LRRCC1: variants seen among roughly 807,000 people sequenced by gnomAD.
LRRCC1 encodes the protein leucine-rich repeat and coiled-coil domain-containing protein 1.
LRRCC1 carries 115 observed loss-of-function variants against 126.0 expected under a neutral mutation model. That is an observed-to-expected ratio of 0.91 (90% CI 0.78 to 1.07). The LOEUF (loss-of-function observed/expected upper bound fraction) is 1.07, where lower values mean the gene tolerates loss of function less well. LRRCC1 is among the 50% of genes least tolerant of loss of function. The pLI is 0.00. For synonymous variants in LRRCC1, 400 were observed against 393.4 expected (o/e 1.02, Z -0.20); for missense variants, 1,172 against 1,175.7 (o/e 1.00, Z 0.05).
At chr8:85,131,407 G>T (rs2135975690) in intron 11 of LRRCC1, among the ~76,000 whole-genome samples, 1 of 152,304 alleles carries the variant, frequency 6.6e-6, no homozygotes, top group East Asian at 1.9e-4. Context: ...AACCACCAGT[G>T]CTAATCAGAC....
At position 85,132,375 on chromosome 8, in the gene LRRCC1, C is replaced by CTTTTTTT. The variant is rs551423793; in HGVS notation, c.1968+436_1968+442dup. On this transcript the variant is annotated intron_variant, in intron 12 of 18. Transcript: ENST00000360375. ...TTACAAAAGCACAGTTGAGTACTTT[C>CTTTTTTT]TTTTTTTTTTTTTTTTTTTTTTTTT... Among the ~76,000 whole-genome samples, 266 of 109,912 alleles carry CTTTTTTT rather than the reference C, an allele frequency of 2.4e-3. 2 individuals are homozygous for CTTTTTTT. Among genetic ancestry groups the CTTTTTTT allele is most frequent in the Middle Eastern group, 5.6e-3 (1 of 178 alleles). 72.1% of individuals were successfully genotyped at this position (109,912 alleles called of 152,430 possible). A position where few individuals can be genotyped will look rare whatever the true frequency, so the allele number is the denominator to read the frequency against.
chr8:85,134,985 C>G lies in LRRCC1; in HGVS notation c.2107C>G (p.Leu703Val), dbSNP rs1211968786. The change falls in exon 13 of 19, where the codon CTG (leucine) becomes GTG (valine). Residue 703 changes from leucine (L) to valine (V), a missense_variant. Transcript: ENST00000360375. ...TATGGTAAAGGAACAAAAAACAAAA[C>G]TGGCAGAAGTTTCTAAATTGAAACA... The part of the protein sequence containing the change: ...TCMVKEQKTK[L>V]AEVSKLKQET... 1 of 1,551,596 alleles carries G rather than the reference C, an allele frequency of 6.4e-7. No individual in the cohort carries two copies. Among genetic ancestry groups the G allele is most frequent in the African/African-American group, 1.4e-5 (1 of 70,980 alleles).
Position 85,109,575 on chromosome 8 carries a change from G to A in LRRCC1, c.105-20G>A, listed in dbSNP as rs765163978. The A allele has an allele frequency of 7.3e-7, 1 of 1,370,976 alleles. No individual in the cohort carries two copies. The highest frequency in any genetic ancestry group is 1.5e-5 in the African/African-American group (1 of 68,650). The allele number at this position is 1,370,976 out of a possible 1,614,324, so 84.9% of individuals were successfully genotyped here. On this transcript the variant is annotated intron_variant, in intron 1 of 18. Coordinates refer to ENST00000360375, the MANE Select transcript of LRRCC1 (RefSeq NM_033402.5). The stretch of plus-strand genomic sequence containing the variant: ...CATGCTTTTAAAATCTATTTTTATA[G>A]TATATATTTTCTTTTATAGCATATC...
rs770311111 is a variant in LRRCC1 at position 85,138,101 on chromosome 8, A to C, written c.2560A>C (p.Thr854Pro). Residue 854 changes from threonine (T) to proline (P), a missense_variant, in exon 16 of 19, where the codon ACT becomes CCT. Coordinates refer to ENST00000360375, the MANE Select transcript of LRRCC1 (RefSeq NM_033402.5). ...AAAGATCACAGAAATAGAAAAATGC[A>C]CTCAAGAACAACTTGATGAAAAATC... is the stretch of plus-strand genomic sequence containing the variant. ...QEKITEIEKC[T>P]QEQLDEKSSQ... 4 of 1,604,050 alleles carry C rather than the reference A, an allele frequency of 2.5e-6. No homozygotes were observed. The East Asian group carries it at 8.9e-5, about 36-fold the overall frequency.
rs763002033 is a variant in LRRCC1 at position 85,115,281 on chromosome 8, G to A, written c.720+6G>A. On this transcript the variant is annotated splice_donor_region_variant and intron_variant, in intron 5 of 18. Coordinates refer to ENST00000360375, the MANE Select transcript of LRRCC1 (RefSeq NM_033402.5). ...TAAATATAAGTGAAGATGAGGTATA[G>A]TATTTACTTTTTTTTTCCTAATATA... 1.3e-6 allele frequency: 2 copies of A among 1,579,582 alleles called. No individual in the cohort carries two copies. Among genetic ancestry groups the A allele is most frequent in the Non-Finnish European group, 1.7e-6 (2 of 1,162,608 alleles).
intron 2 of LRRCC1, 31 bp downstream of exon 2, chr8:85,109,831 C>T (rs755689447): frequency 1.5e-5 from 18 of 1,189,360 alleles, no homozygotes; most frequent in East Asian, 2.4e-5. Flanking sequence ...TAACACTTAG[C>T]GTAAGGAAAA....
At chr8:85,114,346 G>T (rs1385782893) in intron 4 of LRRCC1, among the ~76,000 whole-genome samples, 2 of 151,702 alleles carry the variant, frequency 1.3e-5, no homozygotes, top group Admixed American at 6.6e-5. Context: ...CCTCCCTTCA[G>T]AATTGAGAGG....
intron 8 of LRRCC1, among the ~76,000 whole-genome samples, 156 bp from the exon 9 acceptor site, chr8:85,126,533 G>C (rs1587407328): frequency 2.0e-5 from 3 of 152,130 alleles, no homozygotes; most frequent in Admixed American, 2.0e-4. Flanking sequence ...ACTCCAGCCT[G>C]GGTGGCAGAG....
Position 85,129,206 on chromosome 8 carries a change from T to A in LRRCC1, c.1453T>A (p.Ser485Thr). ...GGAAATTATTTTTAGAGAGAGAAAT[T>A]CCAAAGGACAACTCGAAGTTATGGT... ...LKEIIFRERN[S>T]KGQLEVMVHK... The change falls in exon 10 of 19, where the codon TCC becomes ACC. Residue 485 changes from serine (S) to threonine (T), a missense_variant. Ser to Thr is a moderately conservative substitution (Grantham distance 58, BLOSUM62 1). Coordinates refer to ENST00000360375, the MANE Select transcript of LRRCC1 (RefSeq NM_033402.5). 6.2e-7 allele frequency: 1 copy of A among 1,611,630 alleles called. No homozygotes were observed. The highest frequency in any genetic ancestry group is 1.3e-5 in the African/African-American group (1 of 74,826).
intron 1 of LRRCC1, among the ~76,000 whole-genome samples, chr8:85,108,268 T>C (rs528528517): frequency 1.4e-4 from 22 of 152,238 alleles, no homozygotes; most frequent in Non-Finnish European, 2.8e-4. Context: ...GAAGATGCTG[T>C]TCAAGGGACA....
chr8:85,118,247 A>G (rs905194909), intron 6 of LRRCC1, among the ~76,000 whole-genome samples: 2 of 151,976 alleles, frequency 1.3e-5, no homozygotes, highest in African/African-American at 4.8e-5. Context: ...CTATGAATAT[A>G]TTACACTTTA....
chr8:85,132,375 C>CTTTTTTTTTTTTTTTTTTTTTTTTT (rs551423793), intron 12 of LRRCC1, among the ~76,000 whole-genome samples: 1 of 109,960 alleles, frequency 9.1e-6, no homozygotes, highest in African/African-American at 3.6e-5. Flanking sequence ...TGAGTACTTT[C>CTTTTTTTTTTTTTTTTTTTTTTTTT]TTTTTTTTTT....
In LRRCC1 at chr8:85,135,797, C is replaced by A; in HGVS notation, c.2163C>A (p.Ile721=). Residue 721 remains isoleucine (I), a synonymous_variant, in exon 14 of 19, where the codon ATC becomes ATA. Coordinates refer to ENST00000360375, the MANE Select transcript of LRRCC1 (RefSeq NM_033402.5). ...TTTTTGGGAATATACAGAATCAAAT[C>A]AACACCCTTGAAATTTTAATTGAAG... is the stretch of plus-strand genomic sequence containing the variant. The part of the protein sequence containing the change: ...QETAANLQNQ[I]NTLEILIEDD... The A allele has an allele frequency of 1.3e-6, 2 of 1,521,638 alleles. No homozygotes were observed. Among genetic ancestry groups the A allele is most frequent in the Non-Finnish European group, 1.8e-6 (2 of 1,133,306 alleles). 94.3% of individuals were successfully genotyped at this position (1,521,638 alleles called of 1,614,324 possible). A position where few individuals can be genotyped will look rare whatever the true frequency, so the allele number is the denominator to read the frequency against.
intron 11 of LRRCC1, among the ~76,000 whole-genome samples, chr8:85,131,317 C>A (rs1203772092): frequency 1.3e-5 from 2 of 152,100 alleles, no homozygotes; most frequent in African/African-American, 4.8e-5. Flanking sequence ...TAGTGGAGAA[C>A]CGTAAAGAAT....
At position 85,134,888 on chromosome 8, in the gene LRRCC1, G is replaced by C. The variant is rs907674326; in HGVS notation, c.2010G>C (p.Lys670Asn). The C allele has an allele frequency of 1.9e-6, 3 of 1,587,590 alleles. No individual in the cohort carries two copies. In the African/African-American group the frequency reaches 4.1e-5, roughly 22 times the overall value. ...AAAATGTTGCAACTGAGTTAGCAAA[G>C]AGCAAACATGCTCTTATTTGGGCTC... ...GFENVATELA[K>N]SKHALIWAQR... The change falls in exon 13 of 19, where the codon AAG (lysine) becomes AAC (asparagine). Residue 670 changes from lysine (K) to asparagine (N), a missense_variant. Physicochemically the swap from Lys to Asn is moderately conservative, Grantham distance 94. Transcript: ENST00000360375.
chr8:85,107,636 C>T, intron 1 of LRRCC1: 4 of 403,108 alleles, frequency 9.9e-6, no homozygotes, highest in Non-Finnish European at 1.3e-5. Flanking sequence ...CACGACTCTG[C>T]TTAGCCTAGA....
At position 85,131,906 on chromosome 8, in the gene LRRCC1, A is replaced by T. The variant is rs1203054655; in HGVS notation, c.1913A>T (p.Asp638Val). ...GACGTGTTAAGCCAGCAGTATATGG[A>T]TTTAGAAAATGAATTCCGTATTGCT... ...KIDVLSQQYM[D>V]LENEFRIALT... Residue 638 changes from aspartate to valine, a missense_variant, in exon 12 of 19, where the codon GAT becomes GTT. Asp to Val is a radical substitution (Grantham distance 152). Coordinates refer to ENST00000360375, the MANE Select transcript of LRRCC1 (RefSeq NM_033402.5). 1 of 1,613,842 alleles carries T rather than the reference A, an allele frequency of 6.2e-7. No homozygotes were observed. The highest frequency in any genetic ancestry group is 8.5e-7 in the Non-Finnish European group (1 of 1,179,900).
chr8:85,137,373 A>G, intron 14 of LRRCC1, 91 bp from the exon 15 acceptor site: 1 of 721,420 alleles, frequency 1.4e-6, no homozygotes, highest in Non-Finnish European at 2.0e-6. Context: ...TAGTTTTTTT[A>G]TTATTATTAT....
chr8:85,126,893 T>C, intron 9 of LRRCC1, 56 bp downstream of exon 9: 1 of 1,425,484 alleles, frequency 7.0e-7, no homozygotes, highest in Non-Finnish European at 9.5e-7. Context: ...ATACTGACTT[T>C]AGAACTGGAA....
Sources: allele counts gnomAD v4.1 joint callset (sites outside exome capture counted in the v4.1 genomes callset), GRCh38; gene constraint gnomAD v4.1.1; transcripts MANE v1.5; gene names NCBI Gene and HGNC (gene_info 2026-07-23, HGNC 2026-07-21).